Variants in KIAA1549 observed in about 807,000 individuals in gnomAD.
The protein encoded by KIAA1549 is UPF0606 protein KIAA1549.
In KIAA1549, 70 loss-of-function variants were observed where a neutral mutation model predicts 156.4. The ratio of observed to expected loss-of-function variants is 0.45; its 90% CI spans 0.37 to 0.55. The LOEUF is 0.55. Among genes scored for constraint, KIAA1549 ranks in the 20% least tolerant of loss-of-function variants. KIAA1549 has a pLI of 0.00. For synonymous variants in KIAA1549, 1,103 were observed against 1,066.4 expected (o/e 1.03, Z -0.67); for missense variants, 2,428 against 2,540.9 (o/e 0.96, Z 0.96).
chr7:138,979,517 G>A (rs1347956086), intron 1 of KIAA1549, among the ~76,000 whole-genome samples: 9 of 152,192 alleles, frequency 5.9e-5, no homozygotes, highest in Admixed American at 3.3e-4. Flanking sequence ...ATTGGATCGT[G>A]TATATAAAAT....
intron 19 of KIAA1549, among the ~76,000 whole-genome samples, chr7:138,839,044 C>T (rs1584978188): frequency 6.6e-6 from 1 of 152,160 alleles, no homozygotes; most frequent in African/African-American, 2.4e-5. Context: ...CCAAACACCT[C>T]ATGAAGCTAA....
Position 138,919,264 on chromosome 7 carries a change from G to C in KIAA1549, c.362C>G (p.Ala121Gly). ...APPSATTFDTAFFNQGKQTKS... is the reference protein window; with the variant it reads ...APPSATTFDTGFFNQGKQTKS... The stretch of plus-strand genomic sequence containing the variant: ...GGTCTGTTTTCCTTGGTTAAAAAAG[G>C]CTGTATCAAAAGTAGTGGCAGACGG... Residue 121 changes from alanine to glycine, a missense_variant, in exon 2 of 20, where the codon GCC (alanine) becomes GGC (glycine). Coordinates refer to ENST00000422774, the MANE Select transcript of KIAA1549 (RefSeq NM_001164665.2). 6.2e-7 allele frequency: 1 copy of C among 1,614,012 alleles called. No homozygotes were observed. The highest frequency in any genetic ancestry group is 8.5e-7 in the Non-Finnish European group (1 of 1,179,900).
chr7:138,970,069 C>T (rs1814173609), intron 1 of KIAA1549, among the ~76,000 whole-genome samples: 1 of 152,148 alleles, frequency 6.6e-6, no homozygotes, highest in South Asian at 2.1e-4. Context: ...CTTACTCATT[C>T]TTAACTCTTT....
intron 1 of KIAA1549, among the ~76,000 whole-genome samples, chr7:138,923,265 G>A (rs1363400811): frequency 6.6e-6 from 1 of 152,206 alleles, no homozygotes; most frequent in Admixed American, 6.5e-5. Context: ...TCAAATAGAA[G>A]GGTTATTGCC....
chr7:138,954,604 G>A (rs189023358), intron 1 of KIAA1549, among the ~76,000 whole-genome samples: 8 of 152,088 alleles, frequency 5.3e-5, no homozygotes, highest in Admixed American at 3.3e-4. Context: ...CTCTGCCTCC[G>A]TGGCACCCCC....
chr7:138,909,445 T>A (rs1177815967), intron 4 of KIAA1549, among the ~76,000 whole-genome samples: 1 of 152,160 alleles, frequency 6.6e-6, no homozygotes, highest in Non-Finnish European at 1.5e-5. Flanking sequence ...TCTTGAATAT[T>A]TATGGGTGAA....
intron 9 of KIAA1549, among the ~76,000 whole-genome samples, chr7:138,896,512 G>A (rs1811688070): frequency 6.6e-6 from 1 of 152,050 alleles, no homozygotes; most frequent in East Asian, 1.9e-4. Context: ...AAAAGCAACG[G>A]ACAATATAGA....
chr7:138,977,653 A>ACACAC (rs1331923078), intron 1 of KIAA1549, among the ~76,000 whole-genome samples: 1 of 110,618 alleles, frequency 9.0e-6, no homozygotes, highest in African/African-American at 4.0e-5. Flanking sequence ...TATACTCAAG[A>ACACAC]AAACACACAC....
rs558202161 is a variant in KIAA1549 at position 138,916,766 on chromosome 7, C to G, written c.2860G>C (p.Ala954Pro). Residue 954 changes from alanine to proline, a missense_variant, in exon 2 of 20, where the codon GCC (alanine) becomes CCC (proline). Ala to Pro is a conservative substitution (Grantham distance 27). Coordinates refer to ENST00000422774, the MANE Select transcript of KIAA1549 (RefSeq NM_001164665.2). Reference protein sequence around the residue: ...PYVCDITVPDAYLITTVLARR... With the variant: ...PYVCDITVPDPYLITTVLARR... ...GCCTTACCAGTTGTGATCAGATAGG[C>G]ATCGGGGACTGTGATATCACAAACA... 9.3e-6 allele frequency: 15 copies of G among 1,613,948 alleles called. No homozygotes were observed. In the East Asian group the frequency reaches 3.1e-4, roughly 34 times the overall value.
chr7:138,848,902 GA>G (rs928713776), intron 17 of KIAA1549, among the ~76,000 whole-genome samples: 8 of 151,956 alleles, frequency 5.3e-5, no homozygotes, highest in Non-Finnish European at 1.0e-4. Context: ...TTCCATTACA[GA>G]AAAAAAATTT....
At chr7:138,910,507 C>T (rs1230216146) in intron 4 of KIAA1549, among the ~76,000 whole-genome samples, 2 of 150,496 alleles carry the variant, frequency 1.3e-5, no homozygotes, top group Admixed American at 1.3e-4. Flanking sequence ...AAGTGATTCT[C>T]CTGCCCCAGC....
At chr7:138,913,222 T>C (rs1426172585) in intron 2 of KIAA1549, among the ~76,000 whole-genome samples, 1 of 152,136 alleles carries the variant, frequency 6.6e-6, no homozygotes, top group South Asian at 2.1e-4. Context: ...CAAAACCAGA[T>C]GACATCTTCC....
chr7:138,910,308 C>A (rs768743763), intron 4 of KIAA1549, among the ~76,000 whole-genome samples: 7 of 151,958 alleles, frequency 4.6e-5, no homozygotes, highest in Non-Finnish European at 8.8e-5. Context: ...GAGGCCAAGA[C>A]AGGAGGATCG....
intron 5 of KIAA1549, among the ~76,000 whole-genome samples, chr7:138,908,265 C>T (rs1329832558): frequency 6.6e-6 from 1 of 151,980 alleles, no homozygotes; most frequent in Non-Finnish European, 1.5e-5. Flanking sequence ...ACAGAAGACG[C>T]ATTTTAACAA....
chr7:138,968,499 C>T (rs928756177), intron 1 of KIAA1549, among the ~76,000 whole-genome samples: 2 of 152,074 alleles, frequency 1.3e-5, no homozygotes, highest in African/African-American at 2.4e-5. Flanking sequence ...AGATAGTCAA[C>T]AGAGCTTTAT....
At chr7:138,920,156 G>C (rs796123161) in intron 1 of KIAA1549, among the ~76,000 whole-genome samples, 1 of 87,462 alleles carries the variant, frequency 1.1e-5, no homozygotes, top group African/African-American at 7.6e-5. Flanking sequence ...TCTCACCCCC[G>C]CCTGGAATGC....
intron 9 of KIAA1549, among the ~76,000 whole-genome samples, chr7:138,898,310 A>C (rs947165525): frequency 3.6e-4 from 55 of 151,590 alleles, no homozygotes; most frequent in African/African-American, 1.3e-3. Flanking sequence ...CATCTCAAAA[A>C]AAAAAAAAAA....
intron 12 of KIAA1549, among the ~76,000 whole-genome samples, chr7:138,873,599 TAAA>T (rs57051860): frequency 2.4e-4 from 25 of 105,748 alleles, no homozygotes; most frequent in Non-Finnish European, 3.5e-4. Flanking sequence ...TGACAGGCAT[TAAA>T]AAAAAAAAAA....
chr7:138,979,126 C>T (rs544548616), intron 1 of KIAA1549, among the ~76,000 whole-genome samples: 32 of 152,302 alleles, frequency 2.1e-4, no homozygotes, highest in African/African-American at 7.7e-4. Context: ...AGCCTGGCAG[C>T]GGCTGAAGCC....
Sources: gnomAD v4.1 joint callset for allele counts (sites outside exome capture counted in the v4.1 genomes callset) on GRCh38, gnomAD v4.1.1 for gene constraint, MANE v1.5 for transcripts, NCBI Gene and HGNC (gene_info 2026-07-23, HGNC 2026-07-21) for gene names.